Variants in COL4A6 observed in about 807,000 individuals in gnomAD.
COL4A6 encodes collagen type IV alpha 6 chain.
COL4A6 carries 59 observed loss-of-function variants against 126.7 expected under a neutral mutation model. That is an observed-to-expected ratio of 0.47 (90% CI 0.38 to 0.58). The LOEUF (loss-of-function observed/expected upper bound fraction) is 0.58. COL4A6 is among the 20% of genes least tolerant of loss of function. The pLI, the probability that COL4A6 is intolerant of heterozygous loss-of-function variation, is 0.00. For synonymous variants in COL4A6, 547 were observed against 496.6 expected (o/e 1.10, Z -1.35); for missense variants, 1,285 against 1,337.3 (o/e 0.96, Z 0.61).
intron 3 of COL4A6, among the ~76,000 whole-genome samples, chrX:108,254,450 A>G (rs2036938816): frequency 8.9e-6 from 1 of 111,754 alleles, no homozygotes; most frequent in Non-Finnish European, 1.9e-5. Flanking sequence ...TTTCAACAAA[A>G]GCACTTCTAG....
chrX:108,378,087 T>C (rs1468159678), intron 2 of COL4A6, among the ~76,000 whole-genome samples: 3 of 110,780 alleles, frequency 2.7e-5, no homozygotes, highest in Non-Finnish European at 5.7e-5. Context: ...AAAAAAATGT[T>C]TTCATGTAGT....
chrX:108,183,287 TAA>T (rs1299357031), intron 23 of COL4A6, among the ~76,000 whole-genome samples: 1 of 112,353 alleles, frequency 8.9e-6, no homozygotes, highest in Non-Finnish European at 1.9e-5. Flanking sequence ...ATCTTCAGAA[TAA>T]AAAGAGTCTC....
At chrX:108,168,001 T>C (rs1460113397) in intron 37 of COL4A6, among the ~76,000 whole-genome samples, 1 of 111,708 alleles carries the variant, frequency 9.0e-6, no homozygotes. Flanking sequence ...CTCTAAACAA[T>C]GTATTGGTTG....
In COL4A6 at chrX:108,172,661, G is replaced by T. The variant is rs1489065345; in HGVS notation, c.3139-129C>A. 6.3e-6 allele frequency: 3 copies of T among 478,705 alleles called. No homozygotes were observed. The Admixed American group carries it at 1.1e-4, about 17-fold the overall frequency. 39.5% of individuals were successfully genotyped at this position (478,705 alleles called of 1,213,427 possible). On this transcript the variant is annotated intron_variant, in intron 31 of 44. Coordinates refer to ENST00000334504, the MANE Select transcript of COL4A6 (RefSeq NM_033641.4). ...ATGTATTCTGTGGCAAGGGTGGACT[G>T]TGGGCTGGAAGTGGGGATGTTATGT... is the stretch of plus-strand genomic sequence containing the variant.
At chrX:108,331,892 T>C (rs1947390281) in intron 2 of COL4A6, among the ~76,000 whole-genome samples, 1 of 111,328 alleles carries the variant, frequency 9.0e-6, no homozygotes, top group African/African-American at 3.3e-5. Flanking sequence ...AGTGCAGTTG[T>C]GTTACATGAA....
chrX:108,360,449 A>G (rs901775888), intron 2 of COL4A6, among the ~76,000 whole-genome samples: 10 of 111,618 alleles, frequency 9.0e-5, no homozygotes, highest in Non-Finnish European at 1.7e-4. Flanking sequence ...AGAGAGGAGT[A>G]CAGGATTTCA....
chrX:108,191,187 T>C (rs922288425), intron 19 of COL4A6, among the ~76,000 whole-genome samples: 7 of 112,247 alleles, frequency 6.2e-5, no homozygotes, highest in African/African-American at 2.3e-4. Flanking sequence ...TGTTCCTTGA[T>C]GGAGAACACT....
At position 108,223,486 on chromosome X, in the gene COL4A6, A is replaced by C. The variant is rs765098696; in HGVS notation, c.145-2112T>G. 8.6e-4 allele frequency among the ~76,000 whole-genome samples: 96 copies of C among 111,757 alleles called. 1 individual carries two copies. Among genetic ancestry groups the C allele is most frequent in the Middle Eastern group, 4.6e-3 (1 of 217 alleles). ...AACAGAGCCTAAGTGCTGTGGGAAC[A>C]TGAAAAAAGAGTTGGCAATGGAGGG... On this transcript the variant is annotated intron_variant, in intron 3 of 44. Transcript: ENST00000334504.
chrX:108,173,403 C>T (rs2034376954), intron 31 of COL4A6, among the ~76,000 whole-genome samples: 1 of 111,535 alleles, frequency 9.0e-6, no homozygotes, highest in African/African-American at 3.3e-5. Context: ...TTTCATCCCC[C>T]TAGAATGTAA....
chrX:108,331,564 C>A (rs1265653118), intron 2 of COL4A6, among the ~76,000 whole-genome samples: 1 of 111,871 alleles, frequency 8.9e-6, no homozygotes, highest in Non-Finnish European at 1.9e-5. Flanking sequence ...GTTGTATATG[C>A]CATCCGTCCT....
rs764373477 is a variant in COL4A6 at position 108,170,651 on chromosome X, C to T, written c.3451G>A (p.Ala1151Thr). 7 of 1,206,105 alleles carry T rather than the reference C, an allele frequency of 5.8e-6. No homozygotes were observed. The South Asian group carries it at 1.3e-4, about 22-fold the overall frequency. The change falls in exon 35 of 45, where the codon GCA (alanine) becomes ACA (threonine). Residue 1151 changes from alanine (A) to threonine (T), a missense_variant. Ala to Thr is a moderately conservative substitution (Grantham distance 58). Coordinates refer to ENST00000334504, the MANE Select transcript of COL4A6 (RefSeq NM_033641.4). The part of the protein sequence containing the change: ...GLPGSSGHQG[A>T]IGPLGSPGLI... ...CCGGGGGATCCTAGAGGCCCAATTGCCCCTTGGTGACCAGAAGAACCTGGA... is the reference window on the plus strand; with the variant it reads ...CCGGGGGATCCTAGAGGCCCAATTGTCCCTTGGTGACCAGAAGAACCTGGA...
At chrX:108,213,163 T>C (rs767709364) in intron 6 of COL4A6, among the ~76,000 whole-genome samples, 1 of 112,304 alleles carries the variant, frequency 8.9e-6, no homozygotes, top group South Asian at 3.8e-4. Flanking sequence ...ACCTGGTCAC[T>C]GAAGGTGGTG....
intron 2 of COL4A6, among the ~76,000 whole-genome samples, chrX:108,384,723 A>T (rs2040644026): frequency 3.6e-5 from 4 of 112,141 alleles, no homozygotes; most frequent in Admixed American, 9.5e-5. Flanking sequence ...ATTAGAGAAT[A>T]AAGGAAACGT....
chrX:108,364,064 G>A (rs1041220606), intron 2 of COL4A6, among the ~76,000 whole-genome samples: 1 of 109,878 alleles, frequency 9.1e-6, no homozygotes, highest in African/African-American at 3.3e-5. Flanking sequence ...TAGAGATGGG[G>A]TTTCGCCACA....
chrX:108,351,742 A>G (rs2039852668), intron 2 of COL4A6, among the ~76,000 whole-genome samples: 1 of 109,562 alleles, frequency 9.1e-6, no homozygotes. Context: ...TAAAAAGGTT[A>G]TTTTCAGCTG....
At chrX:108,390,689 C>A (rs1393070743) in intron 2 of COL4A6, among the ~76,000 whole-genome samples, 1 of 110,171 alleles carries the variant, frequency 9.1e-6, no homozygotes, top group East Asian at 2.9e-4. Context: ...ATCTTTAGCT[C>A]GGAGGAGTTT....
At chrX:108,332,654 A>G (rs1161692003) in intron 2 of COL4A6, among the ~76,000 whole-genome samples, 1 of 111,319 alleles carries the variant, frequency 9.0e-6, no homozygotes, top group Non-Finnish European at 1.9e-5. Context: ...CTTCTTTTGA[A>G]AAAATCATTT....
chrX:108,283,397 C>G (rs759934526), intron 3 of COL4A6, among the ~76,000 whole-genome samples: 146 of 111,593 alleles, frequency 1.3e-3, no homozygotes, highest in Non-Finnish European at 2.3e-3. Flanking sequence ...GAACATCTTT[C>G]AAGGCGACAA....
chrX:108,302,945 A>G (rs2038527247), intron 3 of COL4A6, among the ~76,000 whole-genome samples: 1 of 110,946 alleles, frequency 9.0e-6, no homozygotes, highest in South Asian at 3.9e-4. Flanking sequence ...ATGTGAATAG[A>G]AATTTTCATA....
Sources: gnomAD v4.1 joint callset for allele counts (sites outside exome capture counted in the v4.1 genomes callset) on GRCh38, gnomAD v4.1.1 for gene constraint, MANE v1.5 for transcripts, NCBI Gene and HGNC (gene_info 2026-07-23, HGNC 2026-07-21) for gene names.